Variants in MALRD1 observed in about 807,000 individuals in gnomAD.
MALRD1 encodes the protein MAM and LDL-receptor class A domain-containing protein 1.
Under a neutral mutation model 242.1 loss-of-function variants are expected in MALRD1, and 247 were observed. That is an observed-to-expected ratio of 1.02 (90% CI 0.92 to 1.13). The LOEUF (loss-of-function observed/expected upper bound fraction) is 1.13. Ranked by LOEUF, MALRD1 falls within the 50% of genes most tolerant of loss-of-function variation. The pLI, the probability that MALRD1 is intolerant of heterozygous loss-of-function variation, is 0.00. For missense variants in MALRD1, 2,989 were observed against 2,533.1 expected, an observed-to-expected ratio of 1.18 and a Z score of -3.86; for synonymous variants, 995 against 866.6, an observed-to-expected ratio of 1.15 and a Z score of -2.60.
chr10:19,607,688 A>G, intron 34 of MALRD1, 89 bp from the exon 35 acceptor site: 1 of 1,430,526 alleles, frequency 7.0e-7, no homozygotes, highest in South Asian at 1.5e-5. Context: ...AATATAATAA[A>G]CTGTTTTATG....
chr10:19,073,636 T>C (rs1413302522), intron 2 of MALRD1, among the ~76,000 whole-genome samples: 1 of 152,150 alleles, frequency 6.6e-6, no homozygotes, highest in East Asian at 1.9e-4. Flanking sequence ...ATAAATGAAT[T>C]TTATGTTTAG....
intron 5 of MALRD1, among the ~76,000 whole-genome samples, chr10:19,116,349 A>C (rs537648313): frequency 6.6e-6 from 1 of 152,350 alleles, no homozygotes; most frequent in African/African-American, 2.4e-5. Context: ...CCTCAAATAT[A>C]CCAATCATCC....
At chr10:19,609,705 ATT>A (rs922456711) in intron 35 of MALRD1, among the ~76,000 whole-genome samples, 2 of 152,034 alleles carry the variant, frequency 1.3e-5, no homozygotes, top group Non-Finnish European at 2.9e-5. Context: ...CAAGTATATT[ATT>A]TTCAAGTTTT....
intron 21 of MALRD1, among the ~76,000 whole-genome samples, chr10:19,293,953 G>C (rs1325605815): frequency 1.3e-5 from 2 of 152,132 alleles, no homozygotes; most frequent in Non-Finnish European, 2.9e-5. Flanking sequence ...TGGGATTTAA[G>C]AGAAATTTGT....
intron 36 of MALRD1, among the ~76,000 whole-genome samples, chr10:19,652,533 G>A (rs1354331926): frequency 6.6e-6 from 1 of 152,250 alleles, no homozygotes; most frequent in East Asian, 1.9e-4. Flanking sequence ...TCTGGGATTT[G>A]AGTTTTATGA....
At chr10:19,686,649 ATGGTCACC>A (rs1441662111) in intron 36 of MALRD1, among the ~76,000 whole-genome samples, 2 of 152,118 alleles carry the variant, frequency 1.3e-5, no homozygotes, top group Admixed American at 1.3e-4. Context: ...CCATCACCTG[ATGGTCACC>A]TGGCATTTCT....
intron 21 of MALRD1, among the ~76,000 whole-genome samples, chr10:19,292,876 G>C (rs372587016): frequency 1.6e-5 from 2 of 128,644 alleles, no homozygotes; most frequent in Admixed American, 9.0e-5. Flanking sequence ...CTGGGCAACA[G>C]AGCGAGACTC....
chr10:19,280,921 C>T (rs1232635509), intron 20 of MALRD1, among the ~76,000 whole-genome samples: 1 of 152,120 alleles, frequency 6.6e-6, no homozygotes, highest in Non-Finnish European at 1.5e-5. Flanking sequence ...ATGGAGTAGC[C>T]TGTGAATTGA....
At chr10:19,328,182 A>AG (rs1843215327) in intron 23 of MALRD1, among the ~76,000 whole-genome samples, 1 of 152,158 alleles carries the variant, frequency 6.6e-6, no homozygotes, top group Non-Finnish European at 1.5e-5. Context: ...ACCTATACAT[A>AG]TTAATAACTA....
At chr10:19,345,592 C>A (rs1002669903) in intron 24 of MALRD1, among the ~76,000 whole-genome samples, 1 of 152,022 alleles carries the variant, frequency 6.6e-6, no homozygotes, top group Admixed American at 6.6e-5. Flanking sequence ...TTTCAAATGA[C>A]ATTTGAAAAC....
Position 19,216,115 on chromosome 10 carries a change from C to CTTTTTTTTTTTT in MALRD1, c.2991+6438_2991+6439insTTTTTTTTTTTT, listed in dbSNP as rs1203339393. Among the ~76,000 whole-genome samples, 4 of 114,314 alleles carry CTTTTTTTTTTTT rather than the reference C, an allele frequency of 3.5e-5. No individual in the cohort carries two copies. In the East Asian group the frequency reaches 6.9e-4, roughly 20 times the overall value. The allele number at this position is 114,314 out of a possible 152,430, so 75.0% of individuals were successfully genotyped here. A position where few individuals can be genotyped will look rare whatever the true frequency, so the allele number is the denominator to read the frequency against. ...TTTCTACTTCTTTCTTTCTTTCTTT[C>CTTTTTTTTTTTT]TTTCTTTTTTTTTTTTTTTTGAGAC... On this transcript the variant is annotated intron_variant, in intron 18 of 39. Transcript: ENST00000454679.
chr10:19,511,270 A>G (rs1015552982), intron 31 of MALRD1, among the ~76,000 whole-genome samples: 1 of 152,112 alleles, frequency 6.6e-6, no homozygotes. Context: ...CCTAACCCAC[A>G]TTGGCCTCTT....
At chr10:19,094,883 A>G (rs1404137955) in intron 4 of MALRD1, among the ~76,000 whole-genome samples, 1 of 152,228 alleles carries the variant, frequency 6.6e-6, no homozygotes, top group Non-Finnish European at 1.5e-5. Flanking sequence ...GGTCGAAATG[A>G]TAATCTAATG....
intron 18 of MALRD1, among the ~76,000 whole-genome samples, chr10:19,235,470 T>A (rs1476979677): frequency 6.6e-6 from 1 of 151,820 alleles, no homozygotes; most frequent in Admixed American, 6.6e-5. Context: ...TCGGGTTATT[T>A]TTTTTTTCTA....
chr10:19,605,684 C>T lies in MALRD1; in HGVS notation c.5945-2093C>T, dbSNP rs560622573. Among the ~76,000 whole-genome samples the T allele has an allele frequency of 9.9e-5, 15 of 152,128 alleles. No homozygotes were observed. In the East Asian group the frequency reaches 2.3e-3, roughly 24 times the overall value. On this transcript the variant is annotated intron_variant, in intron 34 of 39. Coordinates refer to ENST00000454679, the MANE Select transcript of MALRD1 (RefSeq NM_001142308.3). Reference sequence around the variant, plus strand: ...ATTTCAATATTCTGGTCTTGACCTTCAGCCTTTATAGATCTCCGTATGCTA... The same window carrying T: ...ATTTCAATATTCTGGTCTTGACCTTTAGCCTTTATAGATCTCCGTATGCTA...
At chr10:19,176,157 G>T (rs1037723233) in intron 14 of MALRD1, among the ~76,000 whole-genome samples, 1 of 151,872 alleles carries the variant, frequency 6.6e-6, no homozygotes, top group Non-Finnish European at 1.5e-5. Flanking sequence ...ATTTGCATAT[G>T]AAAATCAGAC....
At chr10:19,312,400 A>ATGTATG (rs1842469259) in intron 21 of MALRD1, among the ~76,000 whole-genome samples, 1 of 143,634 alleles carries the variant, frequency 7.0e-6, no homozygotes, top group African/African-American at 2.6e-5. Context: ...ATATATATAT[A>ATGTATG]TGTGTATATG....
intron 28 of MALRD1, among the ~76,000 whole-genome samples, chr10:19,426,589 G>GT (rs1833911504): frequency 6.6e-6 from 1 of 152,080 alleles, no homozygotes. Flanking sequence ...ATCATTTGAG[G>GT]TCAGGAGTTT....
At chr10:19,501,288 T>C (rs2131256173) in intron 31 of MALRD1, among the ~76,000 whole-genome samples, 1 of 152,326 alleles carries the variant, frequency 6.6e-6, no homozygotes, top group South Asian at 2.1e-4. Flanking sequence ...GTAAGATGTT[T>C]AGCAGCACTT....
Sources: gnomAD v4.1 joint callset for allele counts (sites outside exome capture counted in the v4.1 genomes callset) on GRCh38, gnomAD v4.1.1 for gene constraint, MANE v1.5 for transcripts, NCBI Gene and HGNC (gene_info 2026-07-23, HGNC 2026-07-21) for gene names.